The following C4orf50 variants were observed in gnomAD, a reference collection of about 807,000 sequenced individuals.
The protein encoded by C4orf50 is chromosome 4 open reading frame 50, also known as uncharacterized protein C4orf50.
Under a neutral mutation model 77.2 loss-of-function variants are expected in C4orf50, and 80 were observed. The ratio of observed to expected loss-of-function variants is 1.04; its 90% CI spans 0.87 to 1.25. The LOEUF (loss-of-function observed/expected upper bound fraction) is 1.25. Among genes scored for constraint, C4orf50 ranks in the 50% most tolerant of loss-of-function variants. The pLI is 0.00. For synonymous variants in C4orf50, 532 were observed against 465.3 expected (o/e 1.14, Z -1.84); for missense variants, 1,257 against 1,152.9 (o/e 1.09, Z -1.31).
intron 25 of C4orf50, among the ~76,000 whole-genome samples, chr4:6,003,836 G>A (rs1721986190): frequency 7.2e-4 from 3 of 4,186 alleles, no homozygotes; most frequent in African/African-American, 9.5e-4. Flanking sequence ...TGGTGATGAT[G>A]TGATAGTGAT....
chr4:5,944,513 G>A (rs948226451), intron 7 of C4orf50, among the ~76,000 whole-genome samples: 2 of 152,170 alleles, frequency 1.3e-5, no homozygotes, highest in South Asian at 2.1e-4. Context: ...GAGAAAACAT[G>A]GTCCAGAGTC....
Position 5,912,820 on chromosome 4 carries a change from G to A in C4orf50, c.*2475-14632C>T, listed in dbSNP as rs1716867050. ...CCCAGTACTGGAGAGTTTTAAAATT[G>A]TTGCATGCTCTGGGTTATATTTTTG... On this transcript the variant is annotated intron_variant, in intron 7 of 7. Transcript: ENST00000324058. Among the ~76,000 whole-genome samples the A allele has an allele frequency of 2.6e-5, 4 of 152,278 alleles. No homozygotes were observed. The South Asian group carries it at 8.3e-4, about 32-fold the overall frequency.
intron 32 of C4orf50, among the ~76,000 whole-genome samples, chr4:5,965,439 T>G (rs1438600527): frequency 6.6e-6 from 1 of 152,260 alleles, no homozygotes; most frequent in African/African-American, 2.4e-5. Flanking sequence ...CCACTGCCTT[T>G]GCAAGCCGGC....
chr4:5,961,307 T>G (rs28687026), intron 33 of C4orf50, among the ~76,000 whole-genome samples: 4 of 152,120 alleles, frequency 2.6e-5, no homozygotes, highest in African/African-American at 9.7e-5. Flanking sequence ...AGAGGGAGAC[T>G]CCATCTCAAA....
chr4:5,920,951 C>T (rs868649195), intron 7 of C4orf50, among the ~76,000 whole-genome samples: 4 of 143,132 alleles, frequency 2.8e-5, no homozygotes, highest in South Asian at 2.5e-4. Flanking sequence ...TCGGGTTGTA[C>T]GATGCTTCCA....
In C4orf50 at chr4:5,916,669, G is replaced by A. The variant is rs1717040624; in HGVS notation, c.*2475-18481C>T. ...GGGAGATCCCAGAAGTAGGAGTGAG[G>A]GAGCAGGGAGGTGAGACAGGGAGGG... On this transcript the variant is annotated intron_variant, in intron 7 of 7. Transcript: ENST00000324058. This position sits in a 1 kb window ranked among gnomAD's most constrained non-coding sequence, Gnocchi z 4.4. Among the ~76,000 whole-genome samples the A allele has an allele frequency of 6.6e-6, 1 of 152,212 alleles. No individual in the cohort carries two copies. Among genetic ancestry groups the A allele is most frequent in the South Asian group, 2.1e-4 (1 of 4,834 alleles).
Position 5,981,619 on chromosome 4 carries a change from G to C in C4orf50, c.3700-1281C>G, listed in dbSNP as rs377568336. Among the ~76,000 whole-genome samples the C allele has an allele frequency of 4.6e-5, 7 of 152,114 alleles. No homozygotes were observed. In the East Asian group the frequency reaches 9.7e-4, roughly 21 times the overall value. The stretch of plus-strand genomic sequence containing the variant: ...GGGTTTCTCCATGTTGGTCAGGCTA[G>C]TCTCGAACTCCAGACCTCAGGTGAT... On this transcript the variant is annotated intron_variant, in intron 28 of 33. Coordinates refer to ENST00000531445, the Ensembl canonical transcript of C4orf50.
At chr4:5,910,889 G>T in intron 7 of C4orf50, among the ~76,000 whole-genome samples, 1 of 149,606 alleles carries the variant, frequency 6.7e-6, no homozygotes, top group Admixed American at 6.7e-5. Context: ...AGAGCCAATG[G>T]GTTTCTTCCC....
intron 7 of C4orf50, among the ~76,000 whole-genome samples, chr4:5,924,673 G>C (rs1022845803): frequency 6.6e-6 from 1 of 152,226 alleles, no homozygotes; most frequent in Non-Finnish European, 1.5e-5. Flanking sequence ...CTCTCTCGGG[G>C]AGGAAGGAGG....
chr4:5,927,329 T>C (rs1163205901), intron 7 of C4orf50, among the ~76,000 whole-genome samples: 1 of 151,988 alleles, frequency 6.6e-6, no homozygotes, highest in Non-Finnish European at 1.5e-5. Flanking sequence ...CCAACCACAC[T>C]CAACTCCCTC....
chr4:5,989,350 G>A, exon 28 of C4orf50: 1 of 1,536,040 alleles, frequency 6.5e-7, no homozygotes, highest in South Asian at 1.2e-5. Flanking sequence ...ATCCCAATGA[G>A]GCAGTGTCCC....
chr4:5,918,513 C>A (rs539817332), intron 7 of C4orf50, among the ~76,000 whole-genome samples: 1 of 152,344 alleles, frequency 6.6e-6, no homozygotes, highest in African/African-American at 2.4e-5. Context: ...ATGAACTGGG[C>A]TCCTGGTCTG....
intron 29 of C4orf50, among the ~76,000 whole-genome samples, chr4:5,976,457 GAAAAAAAA>G (rs138450804): frequency 0.021 from 1,954 of 93,106 alleles, 19 homozygotes; most frequent in South Asian, 0.076. Flanking sequence ...CTCTGTCTCG[GAAAAAAAA>G]AAAAAAAAAA....
chr4:6,015,518 G>GAA lies in C4orf50; in HGVS notation c.287+2625_287+2626dup, dbSNP rs11464608. ...TGCCATTTCATTATAATGTTGATGA[G>GAA]AAAAAAAAAGATTCCCAGCCAGGGC... On this transcript the variant is annotated intron_variant, in intron 23 of 33. Transcript: ENST00000531445. This position sits in a 1 kb window ranked among gnomAD's most constrained non-coding sequence, Gnocchi z 4.4. 2.1e-4 allele frequency among the ~76,000 whole-genome samples: 31 copies of GAA among 150,800 alleles called. No individual in the cohort carries two copies. The East Asian group carries it at 4.5e-3, about 22-fold the overall frequency.
chr4:5,997,282 A>G (rs1190709753), intron 25 of C4orf50, among the ~76,000 whole-genome samples: 2 of 152,226 alleles, frequency 1.3e-5, no homozygotes, highest in African/African-American at 2.4e-5. Flanking sequence ...CTCGCTGAGC[A>G]TCTACTATGT....
Position 6,000,045 on chromosome 4 carries a change from G to A in C4orf50, c.964-5569C>T, listed in dbSNP as rs183885162. Reference sequence around the variant, plus strand: ...GGAGGTTGAACTTGATCCTGAGGCCGTGGGCAGCCATGGTGGGGTGCTTAT... The same window carrying A: ...GGAGGTTGAACTTGATCCTGAGGCCATGGGCAGCCATGGTGGGGTGCTTAT... On this transcript the variant is annotated intron_variant, in intron 25 of 33. Transcript: ENST00000531445. This position sits in a 1 kb window ranked among gnomAD's most constrained non-coding sequence, Gnocchi z 6.0. Among the ~76,000 whole-genome samples, 492 of 152,256 alleles carry A rather than the reference G, an allele frequency of 3.2e-3. 2 individuals carry two copies. Among genetic ancestry groups the A allele is most frequent in the Non-Finnish European group, 5.5e-3 (374 of 68,012 alleles).
intron 7 of C4orf50, chr4:5,902,733 A>G (rs1716394020): frequency 6.6e-6 from 1 of 152,030 alleles, no homozygotes; most frequent in Non-Finnish European, 1.5e-5. Flanking sequence ...TCCCATCCCA[A>G]TTGCATTCAA....
chr4:5,936,301 C>T (rs1273583873), intron 7 of C4orf50, among the ~76,000 whole-genome samples: 2 of 151,982 alleles, frequency 1.3e-5, no homozygotes, highest in Non-Finnish European at 2.9e-5. Flanking sequence ...GTGGCTCATG[C>T]CTGTAATCCC....
At position 6,011,514 on chromosome 4, in the gene C4orf50, G is replaced by T. The variant is rs1357729788; in HGVS notation, c.426+316C>A. Among the ~76,000 whole-genome samples, 1 of 151,970 alleles carries T rather than the reference G, an allele frequency of 6.6e-6. No individual in the cohort carries two copies. ...GTTTAGAGTTATTTGTTTCTTATCA[G>T]TCTCCCCCATCTGCATAAGAGCTCC... is the stretch of plus-strand genomic sequence containing the variant. On this transcript the variant is annotated intron_variant, in intron 24 of 33. Transcript: ENST00000531445. This position sits in a 1 kb window ranked among gnomAD's most constrained non-coding sequence, Gnocchi z 4.2.
Sources: gnomAD v4.1 joint callset for allele counts (sites outside exome capture counted in the v4.1 genomes callset) on GRCh38, gnomAD v4.1.1 for gene constraint, Gnocchi (gnomAD v3.1) non-coding constraint, MANE v1.5 for transcripts, NCBI Gene and HGNC (gene_info 2026-07-23, HGNC 2026-07-21) for gene names.